The following ASPH variants were observed in gnomAD, a reference collection of about 807,000 sequenced individuals.
ASPH encodes the protein aspartyl/asparaginyl beta-hydroxylase.
Under a neutral mutation model 118.4 loss-of-function variants are expected in ASPH, and 100 were observed. The ratio of observed to expected loss-of-function variants is 0.84; its 90% CI spans 0.72 to 1.00. The LOEUF is 1.00. Among genes scored for constraint, ASPH ranks in the 50% least tolerant of loss-of-function variants. The pLI is 0.00. For synonymous variants in ASPH, 315 were observed against 325.6 expected (o/e 0.97, Z 0.35); for missense variants, 920 against 919.5 (o/e 1.00, Z -0.01).
intron 1 of ASPH, among the ~76,000 whole-genome samples, chr8:61,699,365 G>A (rs1834705779): frequency 6.6e-6 from 1 of 152,072 alleles, no homozygotes; most frequent in African/African-American, 2.4e-5. Flanking sequence ...TACTTGGTAA[G>A]GTACAAATAT....
chr8:61,534,480 A>C (rs1185124280), intron 21 of ASPH, among the ~76,000 whole-genome samples: 1 of 150,906 alleles, frequency 6.6e-6, no homozygotes, highest in Non-Finnish European at 1.5e-5. Context: ...GTAGAAAGTA[A>C]AAAAAAAAGT....
At chr8:61,512,263 A>G (rs553102933) in intron 24 of ASPH, among the ~76,000 whole-genome samples, 1 of 152,276 alleles carries the variant, frequency 6.6e-6, no homozygotes, top group East Asian at 1.9e-4. Flanking sequence ...CCTGATTTGG[A>G]AAAAAGATCT....
rs546896214 is a variant in ASPH at position 61,684,364 on chromosome 8, T to C, written c.104-176A>G. On this transcript the variant is annotated intron_variant, in intron 1 of 24. Coordinates refer to ENST00000379454, the MANE Select transcript of ASPH (RefSeq NM_004318.4). ...AAAATATTTCTGAAAACAGAAAAGA[T>C]TGTTTAGATGCAACACTAACTTTGA... 23 of 696,048 alleles carry C rather than the reference T, an allele frequency of 3.3e-5. No individual in the cohort carries two copies. The South Asian group carries it at 5.4e-4, about 16-fold the overall frequency. The allele number at this position is 696,048 out of a possible 1,614,324, so 43.1% of individuals were successfully genotyped here. A position where few individuals can be genotyped will look rare whatever the true frequency, so the allele number is the denominator to read the frequency against.
intron 3 of ASPH, chr8:61,658,267 A>T (rs1208448523): frequency 6.6e-6 from 1 of 152,252 alleles, no homozygotes; most frequent in Non-Finnish European, 1.5e-5. Context: ...GATATGCAGT[A>T]AGAGCCATTC....
intron 14 of ASPH, among the ~76,000 whole-genome samples, chr8:61,602,422 A>T (rs1844271980): frequency 1.3e-5 from 2 of 151,432 alleles, no homozygotes; most frequent in Non-Finnish European, 2.9e-5. Flanking sequence ...AAAAAACTTT[A>T]AGCAGTGTAG....
intron 17 of ASPH, among the ~76,000 whole-genome samples, chr8:61,565,414 T>C (rs1831358768): frequency 6.6e-6 from 1 of 152,222 alleles, no homozygotes; most frequent in Non-Finnish European, 1.5e-5. Context: ...GAGTTTTTTA[T>C]TCCAGACCTA....
At chr8:61,649,654 A>AC (rs1354162555) in intron 5 of ASPH, among the ~76,000 whole-genome samples, 11 of 146,414 alleles carry the variant, frequency 7.5e-5, no homozygotes, top group Non-Finnish European at 1.1e-4. Context: ...CTGCCTGCCC[A>AC]CCCCCCACCA....
At chr8:61,530,434 G>T (rs982352262) in intron 21 of ASPH, among the ~76,000 whole-genome samples, 8 of 152,066 alleles carry the variant, frequency 5.3e-5, no homozygotes, top group Non-Finnish European at 8.8e-5. Context: ...TCTATAAATG[G>T]CCTTCCCAGT....
At chr8:61,578,463 C>T (rs1206561112) in intron 15 of ASPH, 17 of 1,594,432 alleles carry the variant, frequency 1.1e-5, no homozygotes, top group Non-Finnish European at 1.5e-5. Flanking sequence ...GGAGGTGGAC[C>T]CCAACATCCA....
At chr8:61,687,482 C>T (rs991792322) in intron 1 of ASPH, 5 of 152,180 alleles carry the variant, frequency 3.3e-5, no homozygotes, top group Non-Finnish European at 7.3e-5. Context: ...ATGCACAAAA[C>T]TCTACATTTC....
intron 20 of ASPH, among the ~76,000 whole-genome samples, chr8:61,550,409 C>CGTT (rs1825517607): frequency 6.9e-6 from 1 of 145,728 alleles, no homozygotes; most frequent in Non-Finnish European, 1.5e-5. Flanking sequence ...TTCTTCCAAT[C>CGTT]GTTGCTATGT....
At chr8:61,713,827 A>C in intron 1 of ASPH, among the ~76,000 whole-genome samples, 1 of 149,462 alleles carries the variant, frequency 6.7e-6, no homozygotes. Context: ...CCCCATTTTC[A>C]CCTCCTTTGA....
intron 3 of ASPH, among the ~76,000 whole-genome samples, chr8:61,677,073 C>T (rs1175765873): frequency 6.6e-6 from 1 of 152,176 alleles, no homozygotes; most frequent in East Asian, 1.9e-4. Context: ...ACTTTGCCTA[C>T]CGATATGAAA....
chr8:61,682,313 A>T, intron 2 of ASPH: 1 of 963,064 alleles, frequency 1.0e-6, no homozygotes, highest in East Asian at 2.6e-5. Flanking sequence ...CTTTCTGACA[A>T]ACCCATAATG....
chr8:61,600,345 C>T (rs934038112), intron 14 of ASPH, among the ~76,000 whole-genome samples: 1 of 147,660 alleles, frequency 6.8e-6, no homozygotes, highest in Non-Finnish European at 1.5e-5. Context: ...ACTTTCACTG[C>T]TCTTGTTTAA....
In ASPH at chr8:61,517,507, C is replaced by T. The variant is rs116476680; in HGVS notation, c.2126+21G>A. 1.9e-4 allele frequency: 308 copies of T among 1,611,204 alleles called. No homozygotes were observed. In the African/African-American group the frequency reaches 3.0e-3, roughly 16 times the overall value. ...TCATCCTCTGAGGTGACGGATATGACGGATAACAGAGGACCCATACTTGGT... is the reference window on the plus strand; with the variant it reads ...TCATCCTCTGAGGTGACGGATATGATGGATAACAGAGGACCCATACTTGGT... On this transcript the variant is annotated intron_variant, in intron 24 of 24. Transcript: ENST00000379454.
chr8:61,621,322 C>CA lies in ASPH; in HGVS notation c.935-2304dup, dbSNP rs71559339. ...TATACATAAATTACTGCAACTTGAG[C>CA]AAAAAAAAAAAAAGAAAAGAAAAGA... On this transcript the variant is annotated intron_variant, in intron 13 of 24. Transcript: ENST00000379454. 5.5e-3 allele frequency among the ~76,000 whole-genome samples: 666 copies of CA among 120,360 alleles called. 5 individuals carry two copies. Among genetic ancestry groups the CA allele is most frequent in the African/African-American group, 0.018 (589 of 32,600 alleles). The allele number at this position is 120,360 out of a possible 152,430, so 79.0% of individuals were successfully genotyped here. A position where few individuals can be genotyped will look rare whatever the true frequency, so the allele number is the denominator to read the frequency against.
intron 14 of ASPH, among the ~76,000 whole-genome samples, chr8:61,594,450 T>A (rs1295969286): frequency 6.6e-6 from 1 of 152,306 alleles, no homozygotes; most frequent in East Asian, 1.9e-4. Flanking sequence ...AAACAGATGT[T>A]CCCAAACCCC....
At chr8:61,518,692 G>A (rs1811806519) in intron 22 of ASPH, among the ~76,000 whole-genome samples, 1 of 152,138 alleles carries the variant, frequency 6.6e-6, no homozygotes, top group African/African-American at 2.4e-5. Flanking sequence ...GATACCATAA[G>A]TTTACATCAT....
Sources: gnomAD v4.1 joint callset for allele counts (sites outside exome capture counted in the v4.1 genomes callset) on GRCh38, gnomAD v4.1.1 for gene constraint, MANE v1.5 for transcripts, NCBI Gene and HGNC (gene_info 2026-07-23, HGNC 2026-07-21) for gene names.